GALNTL6: variants seen among roughly 807,000 people sequenced by gnomAD.
GALNTL6 encodes polypeptide N-acetylgalactosaminyltransferase like 6.
A neutral mutation model predicts 73.7 loss-of-function variants in GALNTL6; 46 were observed. The ratio of observed to expected loss-of-function variants is 0.62; its 90% CI spans 0.49 to 0.80. The LOEUF (loss-of-function observed/expected upper bound fraction) is 0.80, where lower values mean the gene tolerates loss of function less well. GALNTL6 is among the 30% of genes least tolerant of loss of function. The pLI is 0.00. For synonymous variants in GALNTL6, 259 were observed against 263.7 expected, an observed-to-expected ratio of 0.98 and a Z score of 0.17; for missense variants, 604 against 755.0, an observed-to-expected ratio of 0.80 and a Z score of 2.34.
At chr4:172,093,409 A>G (rs1204100201) in intron 2 of GALNTL6, among the ~76,000 whole-genome samples, 1 of 152,142 alleles carries the variant, frequency 6.6e-6, no homozygotes, top group East Asian at 1.9e-4. Context: ...CAAAAACCAC[A>G]TCCTCATACC....
chr4:172,137,617 A>G (rs762332994), intron 2 of GALNTL6, among the ~76,000 whole-genome samples: 16 of 152,222 alleles, frequency 1.1e-4, no homozygotes, highest in Non-Finnish European at 1.9e-4. Flanking sequence ...TTGCCAACAG[A>G]CTTTAGAAAA....
At chr4:171,873,949 A>G (rs930149201) in intron 2 of GALNTL6, among the ~76,000 whole-genome samples, 2 of 152,198 alleles carry the variant, frequency 1.3e-5, no homozygotes, top group South Asian at 4.1e-4. Context: ...TGAAATTAAC[A>G]TATGATCAGG....
chr4:172,188,687 A>T (rs925523012), intron 2 of GALNTL6, among the ~76,000 whole-genome samples: 1 of 152,182 alleles, frequency 6.6e-6, no homozygotes, highest in East Asian at 1.9e-4. Flanking sequence ...TCTCTGAGCA[A>T]ATGATAGTGA....
intron 8 of GALNTL6, among the ~76,000 whole-genome samples, chr4:172,889,668 T>G (rs1745916440): frequency 6.6e-6 from 1 of 152,192 alleles, no homozygotes; most frequent in Non-Finnish European, 1.5e-5. Context: ...TTTATTTTAT[T>G]GAGGGTTTTT....
chr4:171,939,607 C>T (rs1738463154), intron 2 of GALNTL6, among the ~76,000 whole-genome samples: 2 of 151,904 alleles, frequency 1.3e-5, no homozygotes, highest in Non-Finnish European at 2.9e-5. Context: ...TGTTTAATTA[C>T]TTCAGTACTG....
chr4:172,116,919 G>T (rs1042240290), intron 2 of GALNTL6, among the ~76,000 whole-genome samples: 10 of 151,996 alleles, frequency 6.6e-5, no homozygotes, highest in African/African-American at 2.4e-4. Context: ...TTTTAAAGCA[G>T]TACCTTTATT....
chr4:172,812,916 T>C (rs1741393395), intron 6 of GALNTL6, among the ~76,000 whole-genome samples: 3 of 152,212 alleles, frequency 2.0e-5, no homozygotes, highest in Non-Finnish European at 2.9e-5. Context: ...TATCACCTAA[T>C]ACTTTTTCGA....
Position 172,648,117 on chromosome 4 carries a change from G to T in GALNTL6, c.554-161244G>T, listed in dbSNP as rs532543865. Among the ~76,000 whole-genome samples, 187 of 152,102 alleles carry T rather than the reference G, an allele frequency of 1.2e-3. 1 individual carries two copies. The highest frequency in any genetic ancestry group is 2.3e-3 in the Non-Finnish European group (156 of 68,010). ...TAGAATTGGGTGGGACTAGGGATTG[G>T]TTGACCTTTAGCTGTGTCAGATTGG... On this transcript the variant is annotated intron_variant, in intron 5 of 12. Coordinates refer to ENST00000506823, the MANE Select transcript of GALNTL6 (RefSeq NM_001034845.3).
chr4:172,430,402 C>T (rs1731400238), intron 5 of GALNTL6, among the ~76,000 whole-genome samples: 2 of 151,964 alleles, frequency 1.3e-5, no homozygotes, highest in South Asian at 2.1e-4. Flanking sequence ...ATCCCAAAAT[C>T]GAATTATAGA....
At chr4:172,579,784 AGGAAGGAAGGAAGGAG>A (rs1192912474) in intron 5 of GALNTL6, among the ~76,000 whole-genome samples, 1 of 141,030 alleles carries the variant, frequency 7.1e-6, no homozygotes, top group East Asian at 2.4e-4. Flanking sequence ...AGTTTAAATG[AGGAAGGAAGGAAGGAG>A]GGAAGGAAGG....
intron 5 of GALNTL6, among the ~76,000 whole-genome samples, chr4:172,613,640 G>C (rs913219450): frequency 1.3e-5 from 2 of 151,994 alleles, no homozygotes; most frequent in Non-Finnish European, 2.9e-5. Context: ...TGTGTTTTTT[G>C]GAATTTATAA....
At chr4:172,535,650 A>G (rs1333760561) in intron 5 of GALNTL6, among the ~76,000 whole-genome samples, 2 of 152,192 alleles carry the variant, frequency 1.3e-5, no homozygotes, top group Non-Finnish European at 2.9e-5. Context: ...ACATTAAGAT[A>G]TGTACATCTC....
intron 5 of GALNTL6, among the ~76,000 whole-genome samples, chr4:172,669,553 T>G (rs761438311): frequency 6.6e-6 from 1 of 152,238 alleles, no homozygotes; most frequent in Admixed American, 6.5e-5. Flanking sequence ...CATTGCTTTT[T>G]GTTATGGCCA....
At chr4:172,979,186 C>A (rs1750968877) in intron 10 of GALNTL6, among the ~76,000 whole-genome samples, 1 of 152,090 alleles carries the variant, frequency 6.6e-6, no homozygotes, top group Non-Finnish European at 1.5e-5. Flanking sequence ...TGGCCCCTGG[C>A]CATATCAAAG....
chr4:172,708,297 A>C (rs1441274275), intron 5 of GALNTL6, among the ~76,000 whole-genome samples: 1 of 152,160 alleles, frequency 6.6e-6, no homozygotes. Flanking sequence ...ACCTCAAGTA[A>C]TCCGCCCAAC....
intron 2 of GALNTL6, among the ~76,000 whole-genome samples, chr4:172,077,896 G>A (rs1241545989): frequency 6.6e-6 from 1 of 152,132 alleles, no homozygotes; most frequent in African/African-American, 2.4e-5. Context: ...CAGGCCCAGG[G>A]CTCAGGGGCT....
intron 2 of GALNTL6, among the ~76,000 whole-genome samples, chr4:171,960,571 C>T (rs1406607540): frequency 1.3e-5 from 2 of 151,774 alleles, no homozygotes; most frequent in Non-Finnish European, 2.9e-5. Flanking sequence ...TGAGCCACCA[C>T]GCCCTGCCAG....
chr4:173,038,641 G>T (rs1048718190), intron 12 of GALNTL6, among the ~76,000 whole-genome samples: 6 of 152,208 alleles, frequency 3.9e-5, no homozygotes, highest in Non-Finnish European at 8.8e-5. Flanking sequence ...ACAGCTCTTT[G>T]TTTACACTGA....
chr4:171,955,844 C>T (rs1739028656), intron 2 of GALNTL6, among the ~76,000 whole-genome samples: 1 of 152,094 alleles, frequency 6.6e-6, no homozygotes, highest in South Asian at 2.1e-4. Flanking sequence ...ATTCAACATA[C>T]TCTTAACTTG....
Sources: gnomAD v4.1 joint callset for allele counts (sites outside exome capture counted in the v4.1 genomes callset) on GRCh38, gnomAD v4.1.1 for gene constraint, MANE v1.5 for transcripts, NCBI Gene and HGNC (gene_info 2026-07-23, HGNC 2026-07-21) for gene names.